Variants in MMP16 observed in about 807,000 individuals in gnomAD.
MMP16 encodes matrix metalloproteinase-16.
MMP16 carries 12 observed loss-of-function variants against 67.8 expected under a neutral mutation model. The observed-to-expected ratio is 0.18, with a 90% CI of 0.11 to 0.29. The LOEUF (loss-of-function observed/expected upper bound fraction) is 0.29, where lower values mean the gene tolerates loss of function less well. Ranked by LOEUF, MMP16 falls within the 10% of genes least tolerant of loss-of-function variation. The probability of loss-of-function intolerance (pLI) is 1.00; values close to 1 mark genes in which losing one functional copy is unlikely to be tolerated. For synonymous variants in MMP16, 249 were observed against 255.9 expected (o/e 0.97, Z 0.26); for missense variants, 475 against 765.7 (o/e 0.62, Z 4.48).
intron 1 of MMP16, chr8:88,326,825 G>C: frequency 2.4e-6 from 1 of 410,576 alleles, no homozygotes; most frequent in Middle Eastern, 7.4e-4. Context: ...TGAAAAGCAT[G>C]GACCGGCTAC....
chr8:88,084,189 G>C (rs986356541), intron 6 of MMP16, among the ~76,000 whole-genome samples: 2 of 152,000 alleles, frequency 1.3e-5, no homozygotes, highest in Admixed American at 6.6e-5. Context: ...ATCAAGGATT[G>C]CATCAGTGAT....
chr8:88,157,305 G>A (rs1808526789), intron 4 of MMP16, among the ~76,000 whole-genome samples: 1 of 151,990 alleles, frequency 6.6e-6, no homozygotes, highest in African/African-American at 2.4e-5. Context: ...GTTATAGGTA[G>A]TATAAGTAGG....
At chr8:88,307,925 C>T (rs1385939604) in intron 1 of MMP16, among the ~76,000 whole-genome samples, 1 of 151,886 alleles carries the variant, frequency 6.6e-6, no homozygotes, top group Admixed American at 6.6e-5. Context: ...TCAGAAGATC[C>T]TATTCTAAAC....
At chr8:88,116,421 G>A in intron 6 of MMP16, 86 bp downstream of exon 6, 1 of 1,143,546 alleles carries the variant, frequency 8.7e-7, no homozygotes, top group Non-Finnish European at 1.3e-6. Context: ...TGGGAAGGTA[G>A]TGTTAGAATG....
chr8:88,083,464 A>C (rs1320171962), intron 6 of MMP16, among the ~76,000 whole-genome samples: 4 of 152,118 alleles, frequency 2.6e-5, no homozygotes, highest in African/African-American at 9.7e-5. Context: ...GCATGGGAGC[A>C]GCTTAAGCAA....
chr8:88,190,747 T>C (rs1304267891), intron 2 of MMP16, among the ~76,000 whole-genome samples: 1 of 152,146 alleles, frequency 6.6e-6, no homozygotes, highest in Non-Finnish European at 1.5e-5. Context: ...ATATATAGCT[T>C]ATTACCAACT....
At chr8:88,161,280 G>T (rs139213322) in intron 4 of MMP16, among the ~76,000 whole-genome samples, 1 of 152,022 alleles carries the variant, frequency 6.6e-6, no homozygotes, top group African/African-American at 2.4e-5. Flanking sequence ...TCTTGGGACG[G>T]TGTATGTGTC....
intron 1 of MMP16, among the ~76,000 whole-genome samples, chr8:88,263,061 T>G (rs566936074): frequency 1.4e-5 from 1 of 70,686 alleles, no homozygotes; most frequent in Admixed American, 1.4e-4. Flanking sequence ...ATAAAAAAAG[T>G]TTTTTTTAAT....
At position 88,035,996 on chromosome 8, in the gene MMP16, TA is replaced by T. The variant is rs1219370327; in HGVS notation, c.*5464del. The T allele has an allele frequency of 1.3e-5, 2 of 152,082 alleles. No individual in the cohort carries two copies. Among genetic ancestry groups the T allele is most frequent in the East Asian group, 3.9e-4 (2 of 5,178 alleles). 9.4% of individuals were successfully genotyped at this position (152,082 alleles called of 1,614,324 possible). A position where few individuals can be genotyped will look rare whatever the true frequency, so the allele number is the denominator to read the frequency against. On this transcript the variant is annotated 3_prime_UTR_variant, in exon 10 of 10. Coordinates refer to ENST00000286614, the MANE Select transcript of MMP16 (RefSeq NM_005941.5). The surrounding 1 kb of genome is among the most constrained non-coding windows in gnomAD (Gnocchi z 4.7). ...GTACATGAAAGACAAAGGTCACAAT[TA>T]GATGAGACTAGAACATGAAGGCAAC...
At chr8:88,196,622 T>C (rs2129779756) in intron 2 of MMP16, among the ~76,000 whole-genome samples, 1 of 152,288 alleles carries the variant, frequency 6.6e-6, no homozygotes, top group African/African-American at 2.4e-5. Flanking sequence ...AACTTTCCAG[T>C]GAAACCTATC....
chr8:88,246,068 T>C (rs180909233), intron 1 of MMP16, among the ~76,000 whole-genome samples: 7 of 152,202 alleles, frequency 4.6e-5, no homozygotes, highest in Non-Finnish European at 8.8e-5. Context: ...AAGGATGTTA[T>C]GGGGTAAAAG....
At chr8:88,225,920 C>G (rs929786373) in intron 1 of MMP16, among the ~76,000 whole-genome samples, 12 of 151,794 alleles carry the variant, frequency 7.9e-5, no homozygotes, top group African/African-American at 1.2e-4. Context: ...GTGTGTGTGT[C>G]TGTGTGTGAA....
rs981916931 is a variant in MMP16 at position 88,046,981 on chromosome 8, G to A, written c.1374-197C>T. Among the ~76,000 whole-genome samples the A allele has an allele frequency of 5.9e-5, 9 of 152,222 alleles. No homozygotes were observed. The South Asian group carries it at 1.7e-3, about 28-fold the overall frequency. On this transcript the variant is annotated intron_variant, in intron 8 of 9. Coordinates refer to ENST00000286614, the MANE Select transcript of MMP16 (RefSeq NM_005941.5). ...ATAACTGAAAATACAATGGGCATAA[G>A]GCATTTATTCTGTTTCTTCTCCTGC... is the stretch of plus-strand genomic sequence containing the variant.
At chr8:88,297,782 G>T (rs1811035607) in intron 1 of MMP16, among the ~76,000 whole-genome samples, 1 of 152,190 alleles carries the variant, frequency 6.6e-6, no homozygotes, top group African/African-American at 2.4e-5. Context: ...TTCCTCATCT[G>T]TAAAATGAGT....
chr8:88,265,243 T>TTTTTTTTTTTTTTTTTTC (rs1554589926), intron 1 of MMP16, among the ~76,000 whole-genome samples: 1 of 149,170 alleles, frequency 6.7e-6, no homozygotes, highest in Non-Finnish European at 1.5e-5. Flanking sequence ...TTTTTTTTTT[T>TTTTTTTTTTTTTTTTTTC]CAGATACAGA....
At chr8:88,187,526 C>T (rs1300253067) in intron 2 of MMP16, among the ~76,000 whole-genome samples, 2 of 152,056 alleles carry the variant, frequency 1.3e-5, no homozygotes, top group Admixed American at 1.3e-4. Flanking sequence ...CTACATGGTT[C>T]AGAAAGTAGA....
chr8:88,319,840 T>C lies in MMP16; in HGVS notation c.132+7235A>G, dbSNP rs561265783. 7.2e-5 allele frequency among the ~76,000 whole-genome samples: 11 copies of C among 152,246 alleles called. 1 individual carries two copies. In the South Asian group the frequency reaches 2.3e-3, roughly 32 times the overall value. ...CGTTTCAGTGAATAGTTTATTTGGG[T>C]TTCTTTGGTCATTTGAATACATCAC... On this transcript the variant is annotated intron_variant, in intron 1 of 9. Transcript: ENST00000286614.
At chr8:88,069,225 T>C (rs2118261098) in intron 7 of MMP16, 2 of 305,024 alleles carry the variant, frequency 6.6e-6, no homozygotes, top group East Asian at 1.1e-4. Flanking sequence ...TTTAGGCCTC[T>C]TTACTTTCAT....
chr8:88,162,373 T>C (rs900837126), intron 4 of MMP16, among the ~76,000 whole-genome samples: 2 of 152,046 alleles, frequency 1.3e-5, no homozygotes, highest in African/African-American at 4.8e-5. Context: ...ATAAATCCTC[T>C]GTAATGGGTG....
Sources: allele counts gnomAD v4.1 joint callset (sites outside exome capture counted in the v4.1 genomes callset), GRCh38; gene constraint gnomAD v4.1.1; non-coding constraint Gnocchi (gnomAD v3.1); transcripts MANE v1.5; gene names NCBI Gene and HGNC (gene_info 2026-07-23, HGNC 2026-07-21).